Variants in FHOD3 observed in about 807,000 individuals in gnomAD.
The protein encoded by FHOD3 is FH1/FH2 domain-containing protein 3.
In FHOD3, 90 loss-of-function variants were observed where a neutral mutation model predicts 173.0. That is an observed-to-expected ratio of 0.52 (90% CI 0.44 to 0.62). FHOD3 has a LOEUF of 0.62. FHOD3 is among the 20% of genes least tolerant of loss of function. The pLI, the probability that FHOD3 is intolerant of heterozygous loss-of-function variation, is 0.00. For synonymous variants in FHOD3, 828 were observed against 823.0 expected (o/e 1.01, Z -0.10); for missense variants, 1,945 against 2,034.7 (o/e 0.96, Z 0.85).
At chr18:36,462,288 C>CGT (rs148480762) in intron 3 of FHOD3, among the ~76,000 whole-genome samples, 2,086 of 149,668 alleles carry the variant, frequency 0.014, 13 homozygotes, top group Middle Eastern at 0.027. Flanking sequence ...TCAGTTCTCT[C>CGT]GTGTGTGTGT....
At chr18:36,586,056 A>G (rs1233058077) in intron 6 of FHOD3, among the ~76,000 whole-genome samples, 1 of 152,186 alleles carries the variant, frequency 6.6e-6, no homozygotes, top group Non-Finnish European at 1.5e-5. Context: ...CTCTTCTAAC[A>G]GCACATTTGC....
chr18:36,752,006 C>T (rs2042421894), intron 24 of FHOD3, among the ~76,000 whole-genome samples: 1 of 152,138 alleles, frequency 6.6e-6, no homozygotes, highest in East Asian at 1.9e-4. Flanking sequence ...CTGGGGAGGC[C>T]TCAGGAAACT....
intron 14 of FHOD3, among the ~76,000 whole-genome samples, chr18:36,667,654 A>C (rs1451757107): frequency 6.6e-6 from 1 of 152,166 alleles, no homozygotes; most frequent in East Asian, 1.9e-4. Flanking sequence ...AAAATGGTAC[A>C]TCTATGTGGG....
chr18:36,300,379 C>T (rs116143406), intron 1 of FHOD3, among the ~76,000 whole-genome samples: 3,333 of 152,272 alleles, frequency 0.022, 118 homozygotes, highest in African/African-American at 0.077. Flanking sequence ...GGCCTGGGGA[C>T]AGGTGAATGT....
rs1339491417 is a variant in FHOD3 at position 36,369,494 on chromosome 18, CACACAT to C, written c.273-3184_273-3179del. ...ACACACACACACACACACACACACA[CACACAT>C]ATATATAGAGAGAGAGAGAGAGAGA... On this transcript the variant is annotated intron_variant, in intron 2 of 28. Transcript: ENST00000590592. Among the ~76,000 whole-genome samples, 667 of 112,970 alleles carry C rather than the reference CACACAT, an allele frequency of 5.9e-3. 5 individuals carry two copies. Among genetic ancestry groups the C allele is most frequent in the Admixed American group, 7.6e-3 (82 of 10,750 alleles). 74.1% of individuals were successfully genotyped at this position (112,970 alleles called of 152,430 possible).
intron 3 of FHOD3, among the ~76,000 whole-genome samples, chr18:36,465,288 A>G (rs1790643): frequency 0.5 from 75,410 of 152,010 alleles, 19,546 homozygotes; most frequent in South Asian, 0.68. Context: ...AGATCATGCA[A>G]TTGCACTCCA....
chr18:36,685,390 A>T (rs558359638), intron 15 of FHOD3, among the ~76,000 whole-genome samples: 5 of 152,258 alleles, frequency 3.3e-5, no homozygotes, highest in South Asian at 2.1e-4. Context: ...TCAAAAAATA[A>T]ATAGGAAAAG....
chr18:36,471,981 C>T (rs1351247964), intron 3 of FHOD3, among the ~76,000 whole-genome samples: 1 of 152,034 alleles, frequency 6.6e-6, no homozygotes, highest in Non-Finnish European at 1.5e-5. Flanking sequence ...TTTTAGTTCC[C>T]AGGGTTAAAG....
intron 27 of FHOD3, among the ~76,000 whole-genome samples, chr18:36,764,586 A>G (rs1443732367): frequency 6.6e-6 from 1 of 152,088 alleles, no homozygotes; most frequent in Non-Finnish European, 1.5e-5. Flanking sequence ...GATCTCAGTA[A>G]TAGAACATAA....
intron 3 of FHOD3, among the ~76,000 whole-genome samples, chr18:36,382,275 G>T (rs1214603824): frequency 6.6e-6 from 1 of 152,200 alleles, no homozygotes; most frequent in Non-Finnish European, 1.5e-5. Flanking sequence ...CTTCATTAGG[G>T]ATGGGCTGTG....
chr18:36,458,025 G>T (rs577600142), intron 3 of FHOD3, among the ~76,000 whole-genome samples: 1 of 152,252 alleles, frequency 6.6e-6, no homozygotes, highest in South Asian at 2.1e-4. Flanking sequence ...TCCATAAAAA[G>T]GTGGAGAAAG....
At chr18:36,423,123 C>G (rs868667990) in intron 3 of FHOD3, among the ~76,000 whole-genome samples, 5 of 152,066 alleles carry the variant, frequency 3.3e-5, no homozygotes, top group African/African-American at 7.2e-5. Flanking sequence ...CACACCCCCC[C>G]CAAACTTCAT....
intron 1 of FHOD3, among the ~76,000 whole-genome samples, chr18:36,301,454 G>C (rs2091955449): frequency 6.6e-6 from 1 of 152,158 alleles, no homozygotes; most frequent in East Asian, 1.9e-4. Flanking sequence ...GCTTATAGTA[G>C]TTCTAGGGAA....
chr18:36,767,936 G>A (rs2043210893), intron 27 of FHOD3, among the ~76,000 whole-genome samples: 1 of 151,980 alleles, frequency 6.6e-6, no homozygotes. Context: ...CAGCCAGGTG[G>A]TTGTAAGCAC....
chr18:36,664,319 C>G (rs558545833), intron 14 of FHOD3, among the ~76,000 whole-genome samples: 19 of 152,246 alleles, frequency 1.2e-4, no homozygotes, highest in African/African-American at 4.6e-4. Flanking sequence ...TGGTCTGATT[C>G]CCCACCATTC....
chr18:36,735,763 G>A (rs1372934540), intron 20 of FHOD3, among the ~76,000 whole-genome samples: 1 of 152,100 alleles, frequency 6.6e-6, no homozygotes, highest in African/African-American at 2.4e-5. Flanking sequence ...TTCAACTTTG[G>A]TCACCAAAAT....
At chr18:36,530,274 A>G (rs1231145639) in intron 5 of FHOD3, among the ~76,000 whole-genome samples, 1 of 152,202 alleles carries the variant, frequency 6.6e-6, no homozygotes, top group Non-Finnish European at 1.5e-5. Context: ...ACCACTGCTT[A>G]AACAATTAAT....
chr18:36,372,062 C>T lies in FHOD3; in HGVS notation c.273-618C>T, dbSNP rs1247301198. On this transcript the variant is annotated intron_variant, in intron 2 of 28. Transcript: ENST00000590592. ...TAGTGGGAGTGGAACCTGGGGAGGTCTGCCCTTTTCCTTCCTCATGAGAAA... is the reference window on the plus strand; with the variant it reads ...TAGTGGGAGTGGAACCTGGGGAGGTTTGCCCTTTTCCTTCCTCATGAGAAA... 2.0e-5 allele frequency among the ~76,000 whole-genome samples: 3 copies of T among 152,170 alleles called. No homozygotes were observed. In the East Asian group the frequency reaches 5.8e-4, roughly 29 times the overall value.
intron 14 of FHOD3, among the ~76,000 whole-genome samples, chr18:36,672,337 G>A: frequency 6.6e-6 from 1 of 152,114 alleles, no homozygotes; most frequent in Non-Finnish European, 1.5e-5. Context: ...GATCTTATGG[G>A]TTGGTAATTT....
Sources: allele counts gnomAD v4.1 joint callset (sites outside exome capture counted in the v4.1 genomes callset), GRCh38; gene constraint gnomAD v4.1.1; transcripts MANE v1.5; gene names NCBI Gene and HGNC (gene_info 2026-07-23, HGNC 2026-07-21).